EPHA5: variants seen among roughly 807,000 people sequenced by gnomAD.
EPHA5 encodes the protein ephrin type-A receptor 5.
Under a neutral mutation model 105.0 loss-of-function variants are expected in EPHA5, and 60 were observed. That is an observed-to-expected ratio of 0.57 (90% CI 0.46 to 0.71). The LOEUF is 0.71. Ranked by LOEUF, EPHA5 falls within the 30% of genes least tolerant of loss-of-function variation. The probability of loss-of-function intolerance (pLI) is 0.00; values close to 1 mark genes in which losing one functional copy is unlikely to be tolerated. For missense variants in EPHA5, 1,218 were observed against 1,274.7 expected, an observed-to-expected ratio of 0.96 and a Z score of 0.68; for synonymous variants, 513 against 449.1, an observed-to-expected ratio of 1.14 and a Z score of -1.80.
At chr4:65,335,340 G>C (rs1433803635) in intron 15 of EPHA5, among the ~76,000 whole-genome samples, 1 of 151,946 alleles carries the variant, frequency 6.6e-6, no homozygotes, top group Non-Finnish European at 1.5e-5. Context: ...ATTCAGAAAA[G>C]TAAAAAATAT....
chr4:65,438,691 A>G (rs1473054940), intron 5 of EPHA5, among the ~76,000 whole-genome samples: 1 of 152,012 alleles, frequency 6.6e-6, no homozygotes, highest in Non-Finnish European at 1.5e-5. Context: ...GAGATATACC[A>G]TAGGGACTTC....
chr4:65,511,098 A>T (rs1006303722), intron 3 of EPHA5, among the ~76,000 whole-genome samples: 1 of 152,174 alleles, frequency 6.6e-6, no homozygotes, highest in Admixed American at 6.5e-5. Flanking sequence ...GAAATGAATG[A>T]CTGGCACCTT....
chr4:65,514,087 T>C (rs916260918), intron 3 of EPHA5, among the ~76,000 whole-genome samples: 2 of 152,214 alleles, frequency 1.3e-5, no homozygotes, highest in African/African-American at 4.8e-5. Flanking sequence ...TGACACTAAC[T>C]GTGCAGTAGT....
At position 65,322,747 on chromosome 4, in the gene EPHA5, A is replaced by G. The variant is rs1298773839; in HGVS notation, c.*1367T>C. On this transcript the variant is annotated 3_prime_UTR_variant, in exon 17 of 17. Coordinates refer to ENST00000613740, the MANE Select transcript of EPHA5 (RefSeq NM_001281766.3). ...TAACTGAATACAAACTGAAATTAAC[A>G]AATGAATAAACATCCATTAAAAATA... 1 of 226,832 alleles carries G rather than the reference A, an allele frequency of 4.4e-6. No homozygotes were observed. Among genetic ancestry groups the G allele is most frequent in the Non-Finnish European group, 8.8e-6 (1 of 114,046 alleles). 14.1% of individuals were successfully genotyped at this position (226,832 alleles called of 1,614,324 possible).
intron 3 of EPHA5, among the ~76,000 whole-genome samples, chr4:65,527,890 G>C (rs534822339): frequency 2.0e-5 from 3 of 151,890 alleles, no homozygotes; most frequent in African/African-American, 7.3e-5. Context: ...TCCCCTCTAC[G>C]TGTCCGTTTG....
intron 1 of EPHA5, among the ~76,000 whole-genome samples, chr4:65,659,486 T>C (rs1405416843): frequency 6.6e-6 from 1 of 151,884 alleles, no homozygotes; most frequent in Non-Finnish European, 1.5e-5. Context: ...AATTAGTGTG[T>C]AAGAGTATGA....
intron 3 of EPHA5, among the ~76,000 whole-genome samples, chr4:65,600,916 G>C (rs1264348247): frequency 6.6e-6 from 1 of 152,002 alleles, no homozygotes; most frequent in East Asian, 1.9e-4. Flanking sequence ...CAAAGGAAGA[G>C]AGAAGCATGC....
intron 3 of EPHA5, among the ~76,000 whole-genome samples, chr4:65,593,545 G>A (rs566168854): frequency 6.6e-6 from 1 of 152,212 alleles, no homozygotes; most frequent in Non-Finnish European, 1.5e-5. Flanking sequence ...CTGGGGTAAG[G>A]CTGAGATTCT....
At chr4:65,568,699 A>G (rs1370527687) in intron 3 of EPHA5, among the ~76,000 whole-genome samples, 7 of 150,986 alleles carry the variant, frequency 4.6e-5, no homozygotes, top group Admixed American at 4.6e-4. Context: ...TGTCATATCA[A>G]TAGAAATAAT....
intron 5 of EPHA5, among the ~76,000 whole-genome samples, chr4:65,442,196 CG>C (rs1726083844): frequency 6.6e-6 from 1 of 151,992 alleles, no homozygotes; most frequent in Non-Finnish European, 1.5e-5. Context: ...GAATTTAAAA[CG>C]GGGCCTATGG....
chr4:65,512,882 A>G (rs57453467), intron 3 of EPHA5, among the ~76,000 whole-genome samples: 1 of 152,146 alleles, frequency 6.6e-6, no homozygotes, highest in East Asian at 1.9e-4. Context: ...CAAAATATCT[A>G]TTATACATGC....
chr4:65,426,107 G>T (rs1163448649), intron 5 of EPHA5, among the ~76,000 whole-genome samples: 1 of 152,066 alleles, frequency 6.6e-6, no homozygotes, highest in African/African-American at 2.4e-5. Flanking sequence ...TGTTCATGCT[G>T]TAATTTTGTC....
intron 2 of EPHA5, among the ~76,000 whole-genome samples, chr4:65,638,940 T>C (rs907943288): frequency 6.6e-6 from 1 of 152,232 alleles, no homozygotes; most frequent in Non-Finnish European, 1.5e-5. Context: ...AAAACAATGT[T>C]AATATGCAAA....
In EPHA5 at chr4:65,464,218, T is replaced by C. The variant is rs565042574; in HGVS notation, c.1402+26159A>G. Among the ~76,000 whole-genome samples the C allele has an allele frequency of 1.6e-4, 25 of 152,112 alleles. No homozygotes were observed. The East Asian group carries it at 4.8e-3, about 29-fold the overall frequency. On this transcript the variant is annotated intron_variant, in intron 5 of 16. Coordinates refer to ENST00000613740, the MANE Select transcript of EPHA5 (RefSeq NM_001281766.3). ...ACAAATTTGAATTGACCCTCAATTT[T>C]ACTCATTATAAATAACTAGGCTTCA...
intron 5 of EPHA5, among the ~76,000 whole-genome samples, chr4:65,482,290 T>TAAAAAAAAAAAAA (rs58590136): frequency 1.2e-5 from 1 of 85,156 alleles, no homozygotes; most frequent in South Asian, 3.6e-4. Flanking sequence ...AAGAACAAGA[T>TAAAAAAAAAAAAA]AAAAAAAAAA....
At chr4:65,465,626 G>A (rs1327822122) in intron 5 of EPHA5, among the ~76,000 whole-genome samples, 1 of 151,968 alleles carries the variant, frequency 6.6e-6, no homozygotes, top group Admixed American at 6.6e-5. Flanking sequence ...TTGAGTAAGA[G>A]CTCACCAAAC....
intron 8 of EPHA5, among the ~76,000 whole-genome samples, chr4:65,371,713 G>T (rs1000493249): frequency 6.6e-6 from 1 of 151,922 alleles, no homozygotes; most frequent in African/African-American, 2.4e-5. Context: ...GAATAGAATA[G>T]CCAAAACAGA....
chr4:65,444,560 G>A (rs1468342180), intron 5 of EPHA5, among the ~76,000 whole-genome samples: 9 of 152,146 alleles, frequency 5.9e-5, no homozygotes, highest in Admixed American at 5.9e-4. Flanking sequence ...AACAGGTGAA[G>A]TGATTGGCTC....
rs915792522 is a variant in EPHA5, at chr4:65,323,351, C to T, written c.*763G>A. 1 of 229,814 alleles carries T rather than the reference C, an allele frequency of 4.4e-6. No homozygotes were observed. Among genetic ancestry groups the T allele is most frequent in the Non-Finnish European group, 8.6e-6 (1 of 115,914 alleles). 14.2% of individuals were successfully genotyped at this position (229,814 alleles called of 1,614,324 possible). On this transcript the variant is annotated 3_prime_UTR_variant, in exon 17 of 17. Coordinates refer to ENST00000613740, the MANE Select transcript of EPHA5 (RefSeq NM_001281766.3). ...TAAAATTGAAACACTATTAGAAATG[C>T]AAGCAGAATGGTAACACACACATGT...
Sources: gnomAD v4.1 joint callset for allele counts (sites outside exome capture counted in the v4.1 genomes callset) on GRCh38, gnomAD v4.1.1 for gene constraint, MANE v1.5 for transcripts, NCBI Gene and HGNC (gene_info 2026-07-23, HGNC 2026-07-21) for gene names.